The following YIF1B variants were observed in gnomAD, a reference collection of about 807,000 sequenced individuals.
The protein encoded by YIF1B is protein YIF1B.
YIF1B carries 24 observed loss-of-function variants against 34.6 expected under a neutral mutation model. The ratio of observed to expected loss-of-function variants is 0.69; its 90% CI spans 0.50 to 0.98. YIF1B has a LOEUF of 0.98. Among genes scored for constraint, YIF1B ranks in the 50% least tolerant of loss-of-function variants. YIF1B has a pLI of 0.00. For synonymous variants in YIF1B, 186 were observed against 184.8 expected, an observed-to-expected ratio of 1.01 and a Z score of -0.05; for missense variants, 368 against 429.4, an observed-to-expected ratio of 0.86 and a Z score of 1.26.
At chr19:38,316,103 A>G, upstream of YIF1B, 1 of 923,912 alleles carries the variant, frequency 1.1e-6, no homozygotes, top group Non-Finnish European at 1.5e-6. Flanking sequence ...CTTACGTAAG[A>G]GGCGGAGACT....
At chr19:38,319,567 G>T (rs370161334), upstream of YIF1B, among the ~76,000 whole-genome samples, 3 of 152,172 alleles carry the variant, frequency 2.0e-5, no homozygotes, top group Non-Finnish European at 4.4e-5. Context: ...GTGCGCGATG[G>T]GGGGCGACTC....
At chr19:38,320,168 G>A (rs1470845904), upstream of YIF1B, 2 of 1,598,316 alleles carry the variant, frequency 1.3e-6, no homozygotes, top group African/African-American at 2.7e-5. Context: ...GGACGGCTGG[G>A]GCGGGTCGTG....
upstream of YIF1B, among the ~76,000 whole-genome samples, chr19:38,316,144 C>T (rs1969543973): frequency 6.6e-6 from 1 of 151,768 alleles, no homozygotes; most frequent in African/African-American, 2.4e-5. Context: ...TAAAGCGAGT[C>T]AAGGCCTGAG....
intron 1 of YIF1B, among the ~76,000 whole-genome samples, chr19:38,311,881 C>T (rs182698298): frequency 2.6e-5 from 4 of 152,192 alleles, no homozygotes; most frequent in African/African-American, 4.8e-5. Flanking sequence ...GGTGGATCAC[C>T]AGGTCAGAAA....
chr19:38,304,708 C>A lies in YIF1B; in HGVS notation c.*644G>T. On this transcript the variant is annotated 3_prime_UTR_variant, in exon 8 of 8. Coordinates refer to ENST00000339413, the MANE Select transcript of YIF1B (RefSeq NM_001039672.3). ...GAAGGTAAGGGGCTCTCGCCAGCGTCCCCAAGCACGTGCCCTGCACCCCAG... is the reference window on the plus strand; with the variant it reads ...GAAGGTAAGGGGCTCTCGCCAGCGTACCCAAGCACGTGCCCTGCACCCCAG... The A allele has an allele frequency of 1.2e-6, 2 of 1,613,676 alleles. No homozygotes were observed. Among genetic ancestry groups the A allele is most frequent in the Non-Finnish European group, 1.7e-6 (2 of 1,179,956 alleles).
chr19:38,309,684 T>G, intron 1 of YIF1B, 41 bp from the exon 2 acceptor site: 1 of 1,569,756 alleles, frequency 6.4e-7, no homozygotes, highest in Non-Finnish European at 8.6e-7. Context: ...GGACCCAGGA[T>G]AGGTAAGGGA....
intron 1 of YIF1B, 125 bp downstream of exon 1, chr19:38,315,735 C>G: frequency 1.9e-6 from 3 of 1,609,768 alleles, no homozygotes; most frequent in Non-Finnish European, 1.7e-6. Flanking sequence ...GGCATCCCAG[C>G]GCTGTGCACA....
chr19:38,307,723 G>T lies in YIF1B; in HGVS notation c.569C>A (p.Ala190Glu), dbSNP rs1039243015. 6.2e-7 allele frequency: 1 copy of T among 1,613,174 alleles called. No homozygotes were observed. Among genetic ancestry groups the T allele is most frequent in the Non-Finnish European group, 8.5e-7 (1 of 1,179,976 alleles). The change falls in exon 6 of 8, where the codon GCG becomes GAG. Residue 190 changes from alanine to glutamate, a missense_variant. This residue lies in a region of YIF1B where 208 missense variants were observed against 247.8 expected (regional missense o/e 0.84). Coordinates refer to ENST00000339413, the MANE Select transcript of YIF1B (RefSeq NM_001039672.3). Reference sequence around the variant, plus strand: ...GGTCAGCCAGGCCAGGGCTGAGCTCGCTTGCAGCCCCAGGAGGTCTGGGGA... The same window carrying T: ...GGTCAGCCAGGCCAGGGCTGAGCTCTCTTGCAGCCCCAGGAGGTCTGGGGA... ...RFSPDLLGLQ[A>E]SSALAWLTLE... is the part of the protein sequence containing the mutation.
intron 5 of YIF1B, among the ~76,000 whole-genome samples, chr19:38,308,012 C>T (rs1438268135): frequency 6.6e-6 from 1 of 152,194 alleles, no homozygotes; most frequent in East Asian, 1.9e-4. Context: ...GAGAGGGCTT[C>T]CCAGGAGAGG....
intron 1 of YIF1B, among the ~76,000 whole-genome samples, chr19:38,310,563 ATGAT>A (rs1256645230): frequency 1.3e-5 from 2 of 152,078 alleles, no homozygotes; most frequent in Non-Finnish European, 2.9e-5. Flanking sequence ...ATCAATGATG[ATGAT>A]TATCTCAAAA....
At chr19:38,315,083 A>C (rs983462256) in intron 1 of YIF1B, among the ~76,000 whole-genome samples, 56 of 151,472 alleles carry the variant, frequency 3.7e-4, no homozygotes, top group Non-Finnish European at 7.2e-4. Context: ...ACATGGAGAA[A>C]CCCCGTCTAT....
rs1473335068 is a variant in YIF1B, at chr19:38,309,471, C to T, written c.231G>A (p.Val77=). The change falls in exon 2 of 8, where the codon GTG becomes GTA. Residue 77 remains valine (V), a synonymous_variant. Transcript: ENST00000339413. ...TCCCATAGGCCATGGCCATGTTGGA[C>T]ACCGGGTCAGCCAGGAAGGCTGCAT... The part of the protein sequence containing the change: ...TPHAAFLADP[V]SNMAMAYGSS... The T allele has an allele frequency of 1.9e-6, 3 of 1,614,054 alleles. No individual in the cohort carries two copies. Among genetic ancestry groups the T allele is most frequent in the East Asian group, 2.2e-5 (1 of 44,880 alleles).
At chr19:38,312,867 C>T (rs1385286199) in intron 1 of YIF1B, among the ~76,000 whole-genome samples, 2 of 152,146 alleles carry the variant, frequency 1.3e-5, no homozygotes, top group African/African-American at 2.4e-5. Flanking sequence ...AGCCTGAAGA[C>T]GGACCCAGGT....
chr19:38,317,419 T>C (rs1303239624), upstream of YIF1B: 1 of 152,386 alleles, frequency 6.6e-6, no homozygotes, highest in African/African-American at 2.4e-5. Flanking sequence ...CTGGCTCCAC[T>C]GTGGTTCCTT....
chr19:38,315,723 C>CT (rs769816316), intron 1 of YIF1B, 137 bp downstream of exon 1: 3 of 1,609,860 alleles, frequency 1.9e-6, no homozygotes, highest in Non-Finnish European at 2.5e-6. Context: ...CTACCCGAAC[C>CT]TGGCATCCCA....
At chr19:38,320,905 C>A (rs1414792352), upstream of YIF1B, among the ~76,000 whole-genome samples, 1 of 152,052 alleles carries the variant, frequency 6.6e-6, no homozygotes. Flanking sequence ...TCTGTCCAGC[C>A]CCCTCTAAGC....
upstream of YIF1B, among the ~76,000 whole-genome samples, chr19:38,318,626 C>T (rs1291254934): frequency 2.0e-5 from 3 of 152,172 alleles, no homozygotes; most frequent in Admixed American, 6.5e-5. Context: ...TGTAAGCCTT[C>T]GATCACTGGC....
rs141639768 is a variant in YIF1B, at chr19:38,306,272, C to T, written c.790-765G>A. On this transcript the variant is annotated intron_variant, in intron 7 of 7. Transcript: ENST00000339413. ...TGTCCGCCAGGCTTGACTGCAGTGG[C>T]GTGACCTCAGCTTACTGCAGCCTCA... Among the ~76,000 whole-genome samples the T allele has an allele frequency of 1.6e-3, 240 of 148,380 alleles. 2 individuals carry two copies. The highest frequency in any genetic ancestry group is 5.3e-3 in the African/African-American group (213 of 40,542).
chr19:38,304,562 T>C lies in YIF1B; in HGVS notation c.*790A>G. ...TGCCCCTGACCCCAGGGTCCTGCCT[T>C]AGGCCTCCAACTTCAGGGGGCTGGG... On this transcript the variant is annotated 3_prime_UTR_variant, in exon 8 of 8. Coordinates refer to ENST00000339413, the MANE Select transcript of YIF1B (RefSeq NM_001039672.3). 6 of 1,605,192 alleles carry C rather than the reference T, an allele frequency of 3.7e-6. 1 individual carries two copies. Among genetic ancestry groups the C allele is most frequent in the Non-Finnish European group, 5.1e-6 (6 of 1,176,296 alleles).
Sources: allele counts gnomAD v4.1 joint callset (sites outside exome capture counted in the v4.1 genomes callset), GRCh38; gene constraint gnomAD v4.1.1; regional missense constraint gnomAD v4.1.1; transcripts MANE v1.5; gene names NCBI Gene and HGNC (gene_info 2026-07-23, HGNC 2026-07-21).